The following COG5 variants were observed in gnomAD, a reference collection of about 807,000 sequenced individuals.
COG5 encodes component of oligomeric golgi complex 5, also known as conserved oligomeric Golgi complex subunit 5.
In COG5, 86 loss-of-function variants were observed where a neutral mutation model predicts 110.4. The observed-to-expected ratio is 0.78, with a 90% confidence interval of 0.65 to 0.93. The LOEUF (loss-of-function observed/expected upper bound fraction) is 0.93. COG5 is among the 40% of genes least tolerant of loss of function. The pLI is 0.00. For synonymous variants in COG5, 360 were observed against 334.6 expected (o/e 1.08, Z -0.83); for missense variants, 1,077 against 987.0 (o/e 1.09, Z -1.22).
At chr7:107,204,374 C>A (rs947940094) in intron 21 of COG5, among the ~76,000 whole-genome samples, 2 of 152,116 alleles carry the variant, frequency 1.3e-5, no homozygotes, top group African/African-American at 4.8e-5. Flanking sequence ...TGAAATATAT[C>A]TGGCCCTTCT....
At chr7:107,341,554 A>C (rs1179888589) in intron 10 of COG5, among the ~76,000 whole-genome samples, 3 of 152,174 alleles carry the variant, frequency 2.0e-5, no homozygotes, top group Non-Finnish European at 4.4e-5. Flanking sequence ...CCAAAAAAAA[A>C]GAGCCTGAAT....
chr7:107,219,775 T>C (rs1799777802), intron 19 of COG5, among the ~76,000 whole-genome samples: 1 of 152,182 alleles, frequency 6.6e-6, no homozygotes, highest in African/African-American at 2.4e-5. Context: ...ACATGACGAC[T>C]ATAGTTGGTA....
chr7:107,294,881 T>TTGTG (rs756358916), intron 12 of COG5, among the ~76,000 whole-genome samples: 39 of 94,272 alleles, frequency 4.1e-4, no homozygotes, highest in African/African-American at 1.1e-3. Flanking sequence ...ATGCCTGGAT[T>TTGTG]TGTGTGTGTG....
At chr7:107,264,250 C>G (rs555166711) in intron 14 of COG5, among the ~76,000 whole-genome samples, 1 of 152,086 alleles carries the variant, frequency 6.6e-6, no homozygotes, top group South Asian at 2.1e-4. Context: ...GGCATAAAAT[C>G]TATTAGCAAT....
rs1798482318 is a variant in COG5 at position 107,203,164 on chromosome 7, C to T, written c.*352G>A. 2.7e-5 allele frequency: 8 copies of T among 295,888 alleles called. No homozygotes were observed. In the South Asian group the frequency reaches 2.8e-4, roughly 10 times the overall value. The allele number at this position is 295,888 out of a possible 1,614,324, so 18.3% of individuals were successfully genotyped here. A position where few individuals can be genotyped will look rare whatever the true frequency, so the allele number is the denominator to read the frequency against. ...AGGCAGGGTTGGGGGAAGCAGGGTA[C>T]ATGTTATAACTTGATCATATCCCTT... is the stretch of plus-strand genomic sequence containing the variant. On this transcript the variant is annotated 3_prime_UTR_variant, in exon 22 of 22. Coordinates refer to ENST00000297135, the MANE Select transcript of COG5 (RefSeq NM_006348.5).
intron 16 of COG5, among the ~76,000 whole-genome samples, chr7:107,249,383 G>A (rs1042809149): frequency 6.6e-6 from 1 of 152,064 alleles, no homozygotes; most frequent in African/African-American, 2.4e-5. Context: ...AGCTCAAAAT[G>A]TTGATAGTGC....
At chr7:107,234,964 T>TA (rs1416971850) in intron 18 of COG5, among the ~76,000 whole-genome samples, 4 of 152,190 alleles carry the variant, frequency 2.6e-5, no homozygotes, top group African/African-American at 9.7e-5. Context: ...ATGTAAAAGG[T>TA]AAAAAGAGCC....
chr7:107,506,134 G>A (rs1019629411), intron 6 of COG5, among the ~76,000 whole-genome samples: 10 of 152,196 alleles, frequency 6.6e-5, no homozygotes, highest in African/African-American at 2.2e-4. Flanking sequence ...ATGGTGACAG[G>A]TAAGGTCATG....
At chr7:107,284,028 G>A (rs1010511597) in intron 12 of COG5, among the ~76,000 whole-genome samples, 23 of 150,840 alleles carry the variant, frequency 1.5e-4, no homozygotes, top group African/African-American at 5.6e-4. Flanking sequence ...GGGTTCAAGC[G>A]ATTCTCCTGC....
intron 5 of COG5, among the ~76,000 whole-genome samples, chr7:107,537,660 A>C (rs1295222212): frequency 2.6e-5 from 4 of 152,146 alleles, no homozygotes; most frequent in African/African-American, 9.7e-5. Context: ...TGGGTGCAGC[A>C]AACCACCATG....
chr7:107,381,624 C>T (rs1230106495), intron 7 of COG5, among the ~76,000 whole-genome samples: 1 of 152,164 alleles, frequency 6.6e-6, no homozygotes, highest in Non-Finnish European at 1.5e-5. Flanking sequence ...TTGGCAGGTG[C>T]TCTCAAATAC....
At chr7:107,321,837 A>C (rs1809320449) in intron 11 of COG5, among the ~76,000 whole-genome samples, 1 of 152,242 alleles carries the variant, frequency 6.6e-6, no homozygotes, top group Admixed American at 6.5e-5. Flanking sequence ...AAAAAAGTAC[A>C]AATTATTTAA....
chr7:107,530,601 CAAAAAAAAAA>C (rs953588412), intron 5 of COG5, among the ~76,000 whole-genome samples: 7 of 47,770 alleles, frequency 1.5e-4, no homozygotes, highest in South Asian at 9.7e-4. Flanking sequence ...AACTCCATCT[CAAAAAAAAAA>C]AAAAAAAAAA....
intron 11 of COG5, among the ~76,000 whole-genome samples, chr7:107,305,551 T>C (rs770454356): frequency 6.6e-6 from 1 of 152,074 alleles, no homozygotes; most frequent in South Asian, 2.1e-4. Context: ...CATAATTTCT[T>C]TGGGTTGGGA....
At chr7:107,365,379 A>G (rs1413445490) in intron 8 of COG5, among the ~76,000 whole-genome samples, 2 of 152,058 alleles carry the variant, frequency 1.3e-5, no homozygotes, top group African/African-American at 4.8e-5. Context: ...ATCAAACAAA[A>G]CTTCAAACTT....
intron 8 of COG5, among the ~76,000 whole-genome samples, chr7:107,362,862 A>C (rs1813246175): frequency 1.3e-5 from 2 of 152,156 alleles, no homozygotes; most frequent in Admixed American, 6.5e-5. Flanking sequence ...TACCGAAACA[A>C]ATAAAACTAA....
intron 21 of COG5, 52 bp downstream of exon 21, chr7:107,210,474 C>A: frequency 1.3e-6 from 2 of 1,559,196 alleles, no homozygotes; most frequent in Non-Finnish European, 8.7e-7. Flanking sequence ...TGCATCCCCA[C>A]CCTCCTTGGG....
At chr7:107,357,203 A>G (rs1235749500) in intron 10 of COG5, among the ~76,000 whole-genome samples, 1 of 152,196 alleles carries the variant, frequency 6.6e-6, no homozygotes. Context: ...CTTTATAATA[A>G]AGATGTATTT....
At chr7:107,316,802 G>A (rs1808803630) in intron 11 of COG5, among the ~76,000 whole-genome samples, 1 of 151,484 alleles carries the variant, frequency 6.6e-6, no homozygotes, top group African/African-American at 2.4e-5. Context: ...CTGCACTCCA[G>A]CCGGGGGGAC....
Sources: allele counts gnomAD v4.1 joint callset (sites outside exome capture counted in the v4.1 genomes callset), GRCh38; gene constraint gnomAD v4.1.1; transcripts MANE v1.5; gene names NCBI Gene and HGNC (gene_info 2026-07-23, HGNC 2026-07-21).